SMR3B: variants seen among roughly 807,000 people sequenced by gnomAD.
The protein encoded by SMR3B is submaxillary gland androgen regulated protein 3B, also known as submaxillary gland androgen-regulated protein 3B.
For missense variants in SMR3B, 114 were observed against 99.9 expected, an observed-to-expected ratio of 1.14 and a Z score of -0.60; for synonymous variants, 42 against 36.1, an observed-to-expected ratio of 1.16 and a Z score of -0.59.
Position 70,389,748 on chromosome 4 carries a change from C to T in SMR3B, c.140C>T (p.Pro47Leu), listed in dbSNP as rs62322498. The change falls in exon 3 of 3, where the codon CCA (proline) becomes CTA (leucine). Residue 47 changes from proline (P) to leucine (L), a missense_variant. Pro to Leu is a moderately conservative substitution (Grantham distance 98, BLOSUM62 -3). Transcript: ENST00000304915. ...PPQPFGPGFV[P>L]PPPPPPYGPG... ...CAACCTTTTGGCCCAGGATTTGTTC[C>T]ACCACCTCCTCCTCCACCCTATGGT... 5.4e-4 allele frequency: 879 copies of T among 1,614,056 alleles called. No individual in the cohort carries two copies. The highest frequency in any genetic ancestry group is 6.6e-4 in the Non-Finnish European group (784 of 1,179,996).
intron 2 of SMR3B, among the ~76,000 whole-genome samples, chr4:70,387,416 G>C (rs984844837): frequency 2.0e-5 from 3 of 152,146 alleles, no homozygotes; most frequent in Non-Finnish European, 2.9e-5. Context: ...CAATAGGATT[G>C]TGGGGGAGAA....
rs373800922 is a variant in SMR3B at position 70,386,824 on chromosome 4, A to G, written c.54+2260A>G. Reference sequence around the variant, plus strand: ...AATGGAGTATTTTCCCACACTAAGGATTTGTTTTCTTGACAATTAAAAATC... The same window carrying G: ...AATGGAGTATTTTCCCACACTAAGGGTTTGTTTTCTTGACAATTAAAAATC... On this transcript the variant is annotated intron_variant, in intron 2 of 2. Transcript: ENST00000304915. Among the ~76,000 whole-genome samples the G allele has an allele frequency of 2.3e-4, 35 of 152,272 alleles. No individual in the cohort carries two copies. In the South Asian group the frequency reaches 7.0e-3, roughly 31 times the overall value.
At chr4:70,388,027 T>C (rs1732694102) in intron 2 of SMR3B, among the ~76,000 whole-genome samples, 1 of 152,200 alleles carries the variant, frequency 6.6e-6, no homozygotes, top group South Asian at 2.1e-4. Context: ...TGTAGTTTTG[T>C]GTCCTGTGTA....
intron 1 of SMR3B, among the ~76,000 whole-genome samples, chr4:70,383,778 G>C (rs1732604112): frequency 1.3e-5 from 2 of 152,216 alleles, no homozygotes; most frequent in South Asian, 4.1e-4. Context: ...ATGGTGTATG[G>C]AGTTGCTTTC....
chr4:70,384,399 G>A (rs1695683453), intron 1 of SMR3B, 98 bp from the exon 2 acceptor site: 1 of 1,559,688 alleles, frequency 6.4e-7, no homozygotes, highest in Admixed American at 1.9e-5. Context: ...GCTATAGTAG[G>A]ATATTTGTAT....
At chr4:70,383,408 G>T (rs1017179351) in intron 1 of SMR3B, among the ~76,000 whole-genome samples, 196 bp downstream of exon 1, 11 of 152,068 alleles carry the variant, frequency 7.2e-5, no homozygotes, top group African/African-American at 2.7e-4. Flanking sequence ...TTACAGGTCA[G>T]AGTAAAACAT....
At chr4:70,387,933 G>A (rs1165447794) in intron 2 of SMR3B, among the ~76,000 whole-genome samples, 1 of 152,190 alleles carries the variant, frequency 6.6e-6, no homozygotes, top group Non-Finnish European at 1.5e-5. Flanking sequence ...GGACAGAGAT[G>A]CTTTGCCGTA....
intron 2 of SMR3B, 58 bp from the exon 3 acceptor site, chr4:70,389,605 C>A (rs539807418): frequency 1.9e-6 from 3 of 1,540,352 alleles, no homozygotes; most frequent in African/African-American, 2.7e-5. Flanking sequence ...AAAGCATTCA[C>A]CCTTATATTT....
chr4:70,385,562 G>C (rs561066245), intron 2 of SMR3B, among the ~76,000 whole-genome samples: 72 of 151,870 alleles, frequency 4.7e-4, no homozygotes, highest in Non-Finnish European at 6.0e-4. Flanking sequence ...CGCCACCACG[G>C]CCGGCTAATT....
At chr4:70,383,994 C>G (rs2109759754) in intron 1 of SMR3B, among the ~76,000 whole-genome samples, 1 of 143,034 alleles carries the variant, frequency 7.0e-6, no homozygotes, top group African/African-American at 2.6e-5. Context: ...TTCTTTTAGA[C>G]TATATCCAAC....
chr4:70,388,806 G>A (rs892171263), intron 2 of SMR3B, among the ~76,000 whole-genome samples: 1 of 152,036 alleles, frequency 6.6e-6, no homozygotes, highest in African/African-American at 2.4e-5. Flanking sequence ...TGCTCATGAC[G>A]TCTCTCACAA....
intron 2 of SMR3B, among the ~76,000 whole-genome samples, chr4:70,387,905 C>G (rs10027711): frequency 0.13 from 19,053 of 152,082 alleles, 1,360 homozygotes; most frequent in Middle Eastern, 0.22. Context: ...TTGTTAAGAA[C>G]CTGGAATTAG....
rs1208619501 is a variant in SMR3B, at chr4:70,390,073, C to T, written c.*225C>T. The T allele has an allele frequency of 2.2e-6, 2 of 890,654 alleles. No homozygotes were observed. Among genetic ancestry groups the T allele is most frequent in the South Asian group, 1.3e-5 (1 of 74,802 alleles). The allele number at this position is 890,654 out of a possible 1,614,324, so 55.2% of individuals were successfully genotyped here. A position where few individuals can be genotyped will look rare whatever the true frequency, so the allele number is the denominator to read the frequency against. On this transcript the variant is annotated 3_prime_UTR_variant, in exon 3 of 3. Transcript: ENST00000304915. ...CTACTACCCAAAATATGAATTCCAA[C>T]ACTGCTTCCAAGAGACATTTACATA...
chr4:70,384,719 A>C, intron 2 of SMR3B, 155 bp downstream of exon 2: 3 of 1,401,570 alleles, frequency 2.1e-6, no homozygotes, highest in Non-Finnish European at 1.9e-6. Flanking sequence ...TAAATTTAAA[A>C]TCTAATTTAA....
chr4:70,386,830 T>C (rs1732674934), intron 2 of SMR3B, among the ~76,000 whole-genome samples: 1 of 152,182 alleles, frequency 6.6e-6, no homozygotes. Flanking sequence ...AAGGATTTGT[T>C]TTCTTGACAA....
chr4:70,385,513 C>T (rs577665937), intron 2 of SMR3B, among the ~76,000 whole-genome samples: 1 of 150,598 alleles, frequency 6.6e-6, no homozygotes, highest in Non-Finnish European at 1.5e-5. Flanking sequence ...GCGCCATTCT[C>T]CTGCCTCAGC....
intron 2 of SMR3B, among the ~76,000 whole-genome samples, chr4:70,385,430 C>A (rs1251848923): frequency 1.4e-5 from 1 of 74,026 alleles, no homozygotes; most frequent in African/African-American, 8.3e-5. Flanking sequence ...TTGAAACAGA[C>A]TCTCGCTCTG....
rs1732738289 is a variant in SMR3B at position 70,390,155 on chromosome 4, G to A, written c.*307G>A. 1 of 659,670 alleles carries A rather than the reference G, an allele frequency of 1.5e-6. No individual in the cohort carries two copies. The allele number at this position is 659,670 out of a possible 1,614,324, so 40.9% of individuals were successfully genotyped here. A position where few individuals can be genotyped will look rare whatever the true frequency, so the allele number is the denominator to read the frequency against. ...AATTCCAAAAGTGCTGAGCTTTGGG[G>A]AGAAATAATCTTAGAAAGAAATTGT... On this transcript the variant is annotated 3_prime_UTR_variant, in exon 3 of 3. Coordinates refer to ENST00000304915, the MANE Select transcript of SMR3B (RefSeq NM_006685.4).
chr4:70,384,927 C>G, intron 2 of SMR3B: 1 of 174,392 alleles, frequency 5.7e-6, no homozygotes, highest in Non-Finnish European at 1.2e-5. Flanking sequence ...ACCAGAGTCA[C>G]CTAACTCACT....
Sources: allele counts gnomAD v4.1 joint callset (sites outside exome capture counted in the v4.1 genomes callset), GRCh38; gene constraint gnomAD v4.1.1; transcripts MANE v1.5; gene names NCBI Gene and HGNC (gene_info 2026-07-23, HGNC 2026-07-21).